The following MYO1E variants were observed in gnomAD, a reference collection of about 807,000 sequenced individuals.
MYO1E encodes the protein myosin IE.
A neutral mutation model predicts 151.1 loss-of-function variants in MYO1E; 68 were observed. That is an observed-to-expected ratio of 0.45 (90% CI 0.37 to 0.55). MYO1E has a LOEUF of 0.55. MYO1E is among the 20% of genes least tolerant of loss of function. The probability of loss-of-function intolerance (pLI) is 0.00; values close to 1 mark genes in which losing one functional copy is unlikely to be tolerated. For synonymous variants in MYO1E, 601 were observed against 501.7 expected, an observed-to-expected ratio of 1.20 and a Z score of -2.64; for missense variants, 1,363 against 1,389.3, an observed-to-expected ratio of 0.98 and a Z score of 0.30.
chr15:59,208,004 T>A, intron 14 of MYO1E: 1 of 1,612,480 alleles, frequency 6.2e-7, no homozygotes, highest in South Asian at 1.1e-5. Context: ...CTTATAAAGA[T>A]AAAGCTGACC....
chr15:59,333,229 ACTTT>A (rs779416248), intron 1 of MYO1E, among the ~76,000 whole-genome samples: 6 of 151,990 alleles, frequency 3.9e-5, no homozygotes, highest in Non-Finnish European at 7.4e-5. Context: ...ATCACTATCT[ACTTT>A]CTTTCTTTTT....
At chr15:59,218,506 T>G (rs949395142) in intron 9 of MYO1E, among the ~76,000 whole-genome samples, 1 of 152,372 alleles carries the variant, frequency 6.6e-6, no homozygotes, top group Non-Finnish European at 1.5e-5. Flanking sequence ...TTTAGTACAA[T>G]GTTTTCATAG....
At chr15:59,334,389 G>T (rs2080715982) in intron 1 of MYO1E, among the ~76,000 whole-genome samples, 1 of 151,872 alleles carries the variant, frequency 6.6e-6, no homozygotes, top group East Asian at 1.9e-4. Flanking sequence ...ATCCTGATGT[G>T]ATTATTATGC....
At chr15:59,259,061 T>A (rs1039712913) in intron 3 of MYO1E, among the ~76,000 whole-genome samples, 1 of 152,090 alleles carries the variant, frequency 6.6e-6, no homozygotes, top group African/African-American at 2.4e-5. Context: ...CTTCCCAATG[T>A]GCTGGGATTA....
chr15:59,344,112 A>G (rs1596432910), intron 1 of MYO1E, among the ~76,000 whole-genome samples: 1 of 152,322 alleles, frequency 6.6e-6, no homozygotes, highest in East Asian at 1.9e-4. Context: ...AATTTATTGT[A>G]GGCTTCACAA....
At chr15:59,224,482 C>T (rs1449661541) in intron 8 of MYO1E, among the ~76,000 whole-genome samples, 1 of 152,024 alleles carries the variant, frequency 6.6e-6, no homozygotes, top group Non-Finnish European at 1.5e-5. Flanking sequence ...TTCTTTTTAC[C>T]CATCTCAAAT....
chr15:59,236,852 C>T (rs1049861295), intron 4 of MYO1E, among the ~76,000 whole-genome samples, 180 bp from the exon 5 acceptor site: 2 of 152,124 alleles, frequency 1.3e-5, no homozygotes, highest in African/African-American at 2.4e-5. Context: ...AGGATTAGGT[C>T]GCCCATGTGA....
intron 1 of MYO1E, among the ~76,000 whole-genome samples, chr15:59,361,961 C>T (rs905537800): frequency 4.6e-5 from 7 of 152,138 alleles, no homozygotes; most frequent in African/African-American, 9.6e-5. Context: ...CTCAGCCTCC[C>T]GAGTAGCTGG....
intron 2 of MYO1E, among the ~76,000 whole-genome samples, chr15:59,264,738 G>A (rs983068371): frequency 1.3e-5 from 2 of 152,138 alleles, no homozygotes; most frequent in Admixed American, 6.5e-5. Flanking sequence ...TTGAATGAAC[G>A]AGCAGGTTGT....
At chr15:59,143,938 G>C (rs1223898468) in intron 26 of MYO1E, among the ~76,000 whole-genome samples, 1 of 152,152 alleles carries the variant, frequency 6.6e-6, no homozygotes, top group Non-Finnish European at 1.5e-5. Context: ...CTAGCCCACG[G>C]CTTCTCCAGA....
chr15:59,162,386 G>A (rs556716691), intron 23 of MYO1E, among the ~76,000 whole-genome samples: 27 of 152,300 alleles, frequency 1.8e-4, no homozygotes, highest in African/African-American at 5.5e-4. Context: ...GCTCAAGCCT[G>A]TGATCCCAGC....
chr15:59,173,532 T>C (rs1297260885), intron 21 of MYO1E, among the ~76,000 whole-genome samples: 4 of 152,232 alleles, frequency 2.6e-5, no homozygotes, highest in African/African-American at 9.6e-5. Flanking sequence ...TATGTTTTCA[T>C]AAAAACATTC....
rs115172630 is a variant in MYO1E at position 59,310,525 on chromosome 15, G to C, written c.4-38076C>G. On this transcript the variant is annotated intron_variant, in intron 1 of 27. Transcript: ENST00000288235. ...TTGGGGCGACACAGCCACAAGCCAA[G>C]GAATGCCAAGGCTGGCCAGCAACAC... Among the ~76,000 whole-genome samples, 371 of 152,244 alleles carry C rather than the reference G, an allele frequency of 2.4e-3. 1 individual carries two copies. The highest frequency in any genetic ancestry group is 8.2e-3 in the African/African-American group (342 of 41,540).
intron 1 of MYO1E, among the ~76,000 whole-genome samples, chr15:59,344,796 T>A (rs1433870485): frequency 1.3e-5 from 2 of 151,854 alleles, no homozygotes; most frequent in African/African-American, 4.8e-5. Flanking sequence ...CCACGGGGAG[T>A]GCTGCCAGGG....
At chr15:59,225,884 G>C (rs1353205539) in intron 7 of MYO1E, among the ~76,000 whole-genome samples, 1 of 152,150 alleles carries the variant, frequency 6.6e-6, no homozygotes, top group East Asian at 1.9e-4. Flanking sequence ...CTGACCTCGT[G>C]ATTCACCCAC....
At position 59,216,074 on chromosome 15, in the gene MYO1E, C is replaced by T. The variant is rs529318723; in HGVS notation, c.1108-1354G>A. Among the ~76,000 whole-genome samples, 6 of 152,282 alleles carry T rather than the reference C, an allele frequency of 3.9e-5. No homozygotes were observed. In the South Asian group the frequency reaches 1.2e-3, roughly 32 times the overall value. ...GTTCTCCTACCCTGTCCTGCCTGAC[C>T]CTACTCTAACCACACTAACCATACC... On this transcript the variant is annotated intron_variant, in intron 10 of 27. Coordinates refer to ENST00000288235, the MANE Select transcript of MYO1E (RefSeq NM_004998.4).
At position 59,132,773 on chromosome 15, in the gene MYO1E, A is replaced by C. The variant is rs1252627190; in HGVS notation, c.*4607T>G. Reference sequence around the variant, plus strand: ...AGTGTCTCCCTCATAGGGTGGTGCTAAGTAAAGTATGCCAAGCACTTAGTA... The same window carrying C: ...AGTGTCTCCCTCATAGGGTGGTGCTCAGTAAAGTATGCCAAGCACTTAGTA... On this transcript the variant is annotated 3_prime_UTR_variant, in exon 28 of 28. Coordinates refer to ENST00000288235, the MANE Select transcript of MYO1E (RefSeq NM_004998.4). 2 of 151,764 alleles carry C rather than the reference A, an allele frequency of 1.3e-5. No individual in the cohort carries two copies. Among genetic ancestry groups the C allele is most frequent in the Non-Finnish European group, 2.9e-5 (2 of 68,038 alleles). The allele number at this position is 151,764 out of a possible 1,614,324, so 9.4% of individuals were successfully genotyped here. A position where few individuals can be genotyped will look rare whatever the true frequency, so the allele number is the denominator to read the frequency against.
intron 1 of MYO1E, among the ~76,000 whole-genome samples, chr15:59,344,579 T>A (rs964477047): frequency 2.0e-5 from 3 of 152,192 alleles, no homozygotes; most frequent in Admixed American, 2.0e-4. Context: ...TAGGCTTGTG[T>A]CCTTTCCTTC....
chr15:59,218,369 C>T (rs2079933126), intron 9 of MYO1E: 7 of 559,506 alleles, frequency 1.3e-5, no homozygotes, highest in South Asian at 8.0e-5. Context: ...GATGGCAAAC[C>T]TATCCCTCCT....
Sources: gnomAD v4.1 joint callset for allele counts (sites outside exome capture counted in the v4.1 genomes callset) on GRCh38, gnomAD v4.1.1 for gene constraint, MANE v1.5 for transcripts, NCBI Gene and HGNC (gene_info 2026-07-23, HGNC 2026-07-21) for gene names.